CTTN: variants seen among roughly 807,000 people sequenced by gnomAD.
CTTN encodes cortactin.
A neutral mutation model predicts 84.0 loss-of-function variants in CTTN; 28 were observed. That is an observed-to-expected ratio of 0.33 (90% CI 0.25 to 0.46). CTTN has a LOEUF of 0.46. Among genes scored for constraint, CTTN ranks in the 20% least tolerant of loss-of-function variants. CTTN has a pLI of 1.00. For missense variants in CTTN, 641 were observed against 723.8 expected (o/e 0.89, Z 1.31); for synonymous variants, 301 against 288.8 (o/e 1.04, Z -0.43).
At chr11:70,421,254 C>T (rs1163430670) in intron 10 of CTTN, among the ~76,000 whole-genome samples, 7 of 152,224 alleles carry the variant, frequency 4.6e-5, no homozygotes, top group African/African-American at 1.4e-4. Context: ...TCCAGATCTT[C>T]GCTGAATGTT....
rs369918472 is a variant in CTTN, at chr11:70,412,568, C to T, written c.292-1974C>T. 3.3e-5 allele frequency among the ~76,000 whole-genome samples: 5 copies of T among 152,094 alleles called. No individual in the cohort carries two copies. In the East Asian group the frequency reaches 7.7e-4, roughly 23 times the overall value. ...TTGAGGAATATGTGCTAGAGACTTC[C>T]AGAACAAAAGAAGACATTGAGGACA... On this transcript the variant is annotated intron_variant, in intron 5 of 17. Transcript: ENST00000301843.
chr11:70,414,745 C>T, intron 6 of CTTN, 93 bp downstream of exon 6: 2 of 866,968 alleles, frequency 2.3e-6, no homozygotes, highest in South Asian at 3.0e-5. Flanking sequence ...TAGTAGCAGG[C>T]AGGTGCCCTC....
chr11:70,422,195 C>T, intron 11 of CTTN: 1 of 336,800 alleles, frequency 3.0e-6, no homozygotes. Context: ...TTCCTTAGAG[C>T]AGTTATGTTG....
chr11:70,407,443 T>A, intron 3 of CTTN, 59 bp downstream of exon 3: 1 of 1,612,960 alleles, frequency 6.2e-7, no homozygotes, highest in East Asian at 2.2e-5. Context: ...TCTCCTGGGT[T>A]TTTCTTTGAT....
chr11:70,435,396 C>G lies in CTTN; in HGVS notation c.*234C>G. The G allele has an allele frequency of 6.7e-7, 1 of 1,495,160 alleles. No homozygotes were observed. Among genetic ancestry groups the G allele is most frequent in the Non-Finnish European group, 8.8e-7 (1 of 1,133,048 alleles). 92.6% of individuals were successfully genotyped at this position (1,495,160 alleles called of 1,614,324 possible). On this transcript the variant is annotated 3_prime_UTR_variant, in exon 18 of 18. Coordinates refer to ENST00000301843, the MANE Select transcript of CTTN (RefSeq NM_005231.4). ...ATTGTAATCACATTCCTTAGGAGGA[C>G]TTTGGTAATTGGTTTTATGCATTGA...
At chr11:70,418,259 T>G (rs3132424) in intron 8 of CTTN, among the ~76,000 whole-genome samples, 82,673 of 152,258 alleles carry the variant, frequency 0.54, 24,702 homozygotes, top group African/African-American at 0.8. Flanking sequence ...GGCCTGGCCT[T>G]GCCTTCCTGC....
chr11:70,416,819 C>T (rs1193227504), intron 7 of CTTN, 194 bp from the exon 8 acceptor site: 3 of 564,166 alleles, frequency 5.3e-6, no homozygotes, highest in Non-Finnish European at 6.4e-6. Context: ...GGCCCAGAAC[C>T]CCCCCATGCA....
chr11:70,411,627 G>A (rs1452151037), intron 5 of CTTN, among the ~76,000 whole-genome samples: 1 of 152,234 alleles, frequency 6.6e-6, no homozygotes, highest in African/African-American at 2.4e-5. Context: ...GAAAAGAAAG[G>A]CAACGTGTCA....
chr11:70,429,617 G>A (rs566912002), intron 14 of CTTN, among the ~76,000 whole-genome samples: 24 of 152,216 alleles, frequency 1.6e-4, no homozygotes, highest in African/African-American at 5.8e-4. Context: ...GGGACTCTGT[G>A]CAGAGGCAGC....
intron 14 of CTTN, 122 bp downstream of exon 14, chr11:70,429,321 T>C (rs2058330738): frequency 9.1e-7 from 1 of 1,101,524 alleles, no homozygotes; most frequent in Non-Finnish European, 1.3e-6. Context: ...GAAGGCATGT[T>C]TAACTCTCCT....
At chr11:70,407,094 G>A (rs1487170781) in intron 2 of CTTN, among the ~76,000 whole-genome samples, 2 of 152,292 alleles carry the variant, frequency 1.3e-5, no homozygotes, top group South Asian at 2.1e-4. Context: ...GTCAGGTGAC[G>A]GCAGTGTTAG....
chr11:70,403,844 C>G (rs1341449685), intron 1 of CTTN, among the ~76,000 whole-genome samples: 2 of 152,006 alleles, frequency 1.3e-5, no homozygotes, highest in Non-Finnish European at 1.5e-5. Context: ...CTGAGCCTAT[C>G]CTTAGCTGCT....
At chr11:70,418,320 C>G (rs1210055323) in intron 8 of CTTN, among the ~76,000 whole-genome samples, 1 of 152,254 alleles carries the variant, frequency 6.6e-6, no homozygotes, top group East Asian at 1.9e-4. Flanking sequence ...CTCTCTGCCT[C>G]TTTCCTGGGA....
At chr11:70,421,401 C>G in intron 10 of CTTN, 69 bp from the exon 11 acceptor site, 1 of 1,104,420 alleles carries the variant, frequency 9.1e-7, no homozygotes, top group Non-Finnish European at 1.4e-6. Context: ...TGCGCATGCT[C>G]ATGCAATTCT....
intron 1 of CTTN, among the ~76,000 whole-genome samples, chr11:70,401,921 C>T (rs1040304752): frequency 3.3e-5 from 5 of 152,112 alleles, no homozygotes; most frequent in African/African-American, 1.2e-4. Context: ...GAGGCTGAGG[C>T]TGGCAAATCA....
At chr11:70,409,649 T>C (rs1416339858) in intron 4 of CTTN, among the ~76,000 whole-genome samples, 182 bp from the exon 5 acceptor site, 1 of 152,218 alleles carries the variant, frequency 6.6e-6, no homozygotes, top group Non-Finnish European at 1.5e-5. Context: ...ACTGCCGAAG[T>C]GGGTGTACCA....
At chr11:70,404,453 GCCT>G (rs1458636497) in intron 1 of CTTN, among the ~76,000 whole-genome samples, 1 of 152,182 alleles carries the variant, frequency 6.6e-6, no homozygotes, top group Non-Finnish European at 1.5e-5. Flanking sequence ...AATGCAGCCC[GCCT>G]CCTCCTCGGC....
rs1565492060 is a variant in CTTN at position 70,415,704 on chromosome 11, T to C, written c.444T>C (p.His148=). 1 of 1,614,200 alleles carries C rather than the reference T, an allele frequency of 6.2e-7. No individual in the cohort carries two copies. The highest frequency in any genetic ancestry group is 8.5e-7 in the Non-Finnish European group (1 of 1,179,998). ...AATACCAGGGGAAGACTGAGAAGCA[T>C]GCCTCCCAGAAAGGTAAGACGCGAA... ...GFEYQGKTEK[H]ASQKDYSSGF... Residue 148 remains histidine (H), a synonymous_variant, in exon 7 of 18, where the codon CAT becomes CAC. Transcript: ENST00000301843.
Position 70,435,635 on chromosome 11 carries a change from G to A in CTTN, c.*473G>A. On this transcript the variant is annotated 3_prime_UTR_variant, in exon 18 of 18. Coordinates refer to ENST00000301843, the MANE Select transcript of CTTN (RefSeq NM_005231.4). ...TAGAGTCTCACTGCTGGGGAGGAGAGGACTGGGCCTGATGGAAGTTAACCC... is the reference window on the plus strand; with the variant it reads ...TAGAGTCTCACTGCTGGGGAGGAGAAGACTGGGCCTGATGGAAGTTAACCC... 2.5e-6 allele frequency: 4 copies of A among 1,594,710 alleles called. No homozygotes were observed. Among genetic ancestry groups the A allele is most frequent in the Non-Finnish European group, 3.4e-6 (4 of 1,178,222 alleles).
Sources: gnomAD v4.1 joint callset for allele counts (sites outside exome capture counted in the v4.1 genomes callset) on GRCh38, gnomAD v4.1.1 for gene constraint, MANE v1.5 for transcripts, NCBI Gene and HGNC (gene_info 2026-07-23, HGNC 2026-07-21) for gene names.